Variants in MALRD1 observed in about 807,000 individuals in gnomAD.
MALRD1 encodes MAM and LDL receptor class A domain containing 1.
In MALRD1, 247 loss-of-function variants were observed where a neutral mutation model predicts 242.1. The observed-to-expected ratio is 1.02, with a 90% CI of 0.92 to 1.13. The LOEUF is 1.13. Ranked by LOEUF, MALRD1 falls within the 50% of genes most tolerant of loss-of-function variation. The probability of loss-of-function intolerance (pLI) is 0.00; values close to 1 mark genes in which losing one functional copy is unlikely to be tolerated. For synonymous variants in MALRD1, 995 were observed against 866.6 expected, an observed-to-expected ratio of 1.15 and a Z score of -2.60; for missense variants, 2,989 against 2,533.1, an observed-to-expected ratio of 1.18 and a Z score of -3.86.
chr10:19,610,928 C>T (rs1838866266), intron 35 of MALRD1, among the ~76,000 whole-genome samples: 1 of 151,592 alleles, frequency 6.6e-6, no homozygotes, highest in Non-Finnish European at 1.5e-5. Context: ...GCAGGCCTTA[C>T]GTAAATGGTA....
At chr10:19,438,412 G>A (rs572245997) in intron 28 of MALRD1, among the ~76,000 whole-genome samples, 1 of 152,114 alleles carries the variant, frequency 6.6e-6, no homozygotes, top group South Asian at 2.1e-4. Flanking sequence ...TTCATTCATG[G>A]ATACACATGT....
intron 36 of MALRD1, among the ~76,000 whole-genome samples, chr10:19,658,542 G>A (rs1325629444): frequency 6.6e-6 from 1 of 152,002 alleles, no homozygotes; most frequent in Non-Finnish European, 1.5e-5. Context: ...TGGAATATTA[G>A]AGAGATCTTT....
chr10:19,309,707 T>A (rs978346230), intron 21 of MALRD1, among the ~76,000 whole-genome samples: 2 of 151,334 alleles, frequency 1.3e-5, no homozygotes, highest in African/African-American at 4.8e-5. Flanking sequence ...AAAACAGGGA[T>A]CAATGAAGAG....
chr10:19,331,280 T>A, intron 23 of MALRD1, 89 bp from the exon 24 acceptor site: 1 of 1,073,080 alleles, frequency 9.3e-7, no homozygotes, highest in South Asian at 1.5e-5. Context: ...AAAAAACAGA[T>A]TCACGATTGA....
chr10:19,655,990 A>T (rs963373718), intron 36 of MALRD1, among the ~76,000 whole-genome samples: 2 of 152,178 alleles, frequency 1.3e-5, no homozygotes, highest in Non-Finnish European at 2.9e-5. Context: ...TCTCTTCAAT[A>T]TTCTCATATA....
intron 32 of MALRD1, among the ~76,000 whole-genome samples, chr10:19,564,131 T>G (rs915340463): frequency 6.6e-6 from 1 of 152,164 alleles, no homozygotes; most frequent in African/African-American, 2.4e-5. Context: ...CAGGTATTCC[T>G]TTATAGAAAT....
intron 29 of MALRD1, among the ~76,000 whole-genome samples, chr10:19,478,597 G>T (rs1447044341): frequency 6.6e-6 from 1 of 151,446 alleles, no homozygotes; most frequent in Non-Finnish European, 1.5e-5. Context: ...TTCTTTCCTT[G>T]CAATTTTATA....
chr10:19,707,555 G>C (rs921458562), intron 38 of MALRD1, among the ~76,000 whole-genome samples: 4 of 152,200 alleles, frequency 2.6e-5, no homozygotes, highest in African/African-American at 9.6e-5. Context: ...CTGTTCAGAC[G>C]AGTTAGATGA....
intron 26 of MALRD1, among the ~76,000 whole-genome samples, chr10:19,367,280 C>A (rs1564598402): frequency 6.6e-6 from 1 of 152,030 alleles, no homozygotes; most frequent in African/African-American, 2.4e-5. Context: ...TCTACCCTTC[C>A]AAGCCTCTAG....
At chr10:19,184,199 G>A (rs1322294861) in intron 14 of MALRD1, among the ~76,000 whole-genome samples, 1 of 152,200 alleles carries the variant, frequency 6.6e-6, no homozygotes, top group Non-Finnish European at 1.5e-5. Flanking sequence ...TGAGGAACTA[G>A]ACAAATACTC....
chr10:19,530,400 AT>A (rs60633955), intron 31 of MALRD1, among the ~76,000 whole-genome samples: 890 of 83,992 alleles, frequency 0.011, 49 homozygotes, highest in Middle Eastern at 0.036. Context: ...TTATATAAAT[AT>A]TATATATTTA....
At chr10:19,497,872 T>G (rs1360868151) in intron 30 of MALRD1, among the ~76,000 whole-genome samples, 1 of 152,188 alleles carries the variant, frequency 6.6e-6, no homozygotes, top group African/African-American at 2.4e-5. Flanking sequence ...TGACTAGAAA[T>G]AGATACAGTT....
rs1473201957 is a variant in MALRD1, at chr10:19,642,971, C to G, written c.6137+27048C>G. On this transcript the variant is annotated intron_variant, in intron 36 of 39. Coordinates refer to ENST00000454679, the MANE Select transcript of MALRD1 (RefSeq NM_001142308.3). ...AGGTTCTCATTGGACTTTATTCACA[C>G]TATGACTTAATTATTGTAGTAATTT... 5.9e-4 allele frequency among the ~76,000 whole-genome samples: 90 copies of G among 152,190 alleles called. 1 individual carries two copies. The highest frequency in any genetic ancestry group is 4.4e-5 in the Non-Finnish European group (3 of 68,042).
At chr10:19,546,658 A>T (rs1396211235) in intron 32 of MALRD1, among the ~76,000 whole-genome samples, 1 of 152,086 alleles carries the variant, frequency 6.6e-6, no homozygotes, top group East Asian at 1.9e-4. Context: ...ATTGGTACTG[A>T]TCTTTTCTTT....
At chr10:19,289,153 C>T (rs1841286484) in intron 21 of MALRD1, among the ~76,000 whole-genome samples, 1 of 152,034 alleles carries the variant, frequency 6.6e-6, no homozygotes, top group South Asian at 2.1e-4. Flanking sequence ...TGGCTTATAT[C>T]AATAAACTAC....
chr10:19,626,482 T>C (rs1839656455), intron 36 of MALRD1, among the ~76,000 whole-genome samples: 1 of 152,020 alleles, frequency 6.6e-6, no homozygotes, highest in East Asian at 1.9e-4. Context: ...TGCAATACTA[T>C]TAGATTGAAA....
intron 32 of MALRD1, among the ~76,000 whole-genome samples, chr10:19,566,587 G>T (rs1015531144): frequency 2.7e-5 from 4 of 150,772 alleles, no homozygotes. Flanking sequence ...TTTTCTCTGG[G>T]TCTTATTTTT....
At chr10:19,128,080 A>G in intron 7 of MALRD1, 141 bp from the exon 8 acceptor site, 2 of 474,228 alleles carry the variant, frequency 4.2e-6, no homozygotes, top group Admixed American at 4.4e-5. Context: ...TGATGTAATC[A>G]TTTGAAAACG....
At chr10:19,365,552 G>A (rs73593881) in intron 26 of MALRD1, among the ~76,000 whole-genome samples, 6,131 of 148,296 alleles carry the variant, frequency 0.041, 206 homozygotes, top group African/African-American at 0.094. Context: ...CTTTGTCTCT[G>A]GTATTCCACT....
Sources: allele counts gnomAD v4.1 joint callset (sites outside exome capture counted in the v4.1 genomes callset), GRCh38; gene constraint gnomAD v4.1.1; transcripts MANE v1.5; gene names NCBI Gene and HGNC (gene_info 2026-07-23, HGNC 2026-07-21).